Variants in PKP3 observed in about 807,000 individuals in gnomAD.
PKP3 encodes plakophilin-3.
Under a neutral mutation model 76.5 loss-of-function variants are expected in PKP3, and 66 were observed. The ratio of observed to expected loss-of-function variants is 0.86; its 90% CI spans 0.71 to 1.06. The LOEUF (loss-of-function observed/expected upper bound fraction) is 1.06, where lower values mean the gene tolerates loss of function less well. Ranked by LOEUF, PKP3 falls within the 50% of genes least tolerant of loss-of-function variation. PKP3 has a pLI of 0.00. For missense variants in PKP3, 1,338 were observed against 1,141.0 expected (o/e 1.17, Z -2.49); for synonymous variants, 638 against 516.5 (o/e 1.24, Z -3.19).
In PKP3 at chr11:400,428, G is replaced by C. The variant is rs1048200478; in HGVS notation, c.1543G>C (p.Asp515His). Reference protein sequence around the residue: ...ALVTSINHALDAGKCEDKSVE... With the variant: ...ALVTSINHALHAGKCEDKSVE... ...GGTCACCTCTATCAACCACGCCCTG[G>C]ACGCGGGCAAATGCGAGGACAAGGT... The change falls in exon 7 of 13, where the codon GAC becomes CAC. Residue 515 changes from aspartate (D) to histidine (H), a missense_variant. Asp to His is a moderately conservative substitution (Grantham distance 81, BLOSUM62 -1). Coordinates refer to ENST00000331563, the MANE Select transcript of PKP3 (RefSeq NM_007183.4). 2 of 1,547,538 alleles carry C rather than the reference G, an allele frequency of 1.3e-6. No individual in the cohort carries two copies. Among genetic ancestry groups the C allele is most frequent in the Admixed American group, 2.0e-5 (1 of 50,892 alleles).
At chr11:395,932 T>C (rs1016103917) in intron 1 of PKP3, among the ~76,000 whole-genome samples, 1 of 152,096 alleles carries the variant, frequency 6.6e-6, no homozygotes, top group African/African-American at 2.4e-5. Flanking sequence ...ACTCTGTCCA[T>C]CCTTCCAGCA....
At chr11:397,713 G>C (rs776362668) in intron 4 of PKP3, 51 bp downstream of exon 4, 5 of 1,576,836 alleles carry the variant, frequency 3.2e-6, no homozygotes, top group Middle Eastern at 3.8e-4. Context: ...TCCTTCGTGG[G>C]CCCCACCACC....
rs1847222596 is a variant in PKP3, at chr11:404,519, C to T, written c.2359-15C>T. ...GCAGACATGCACCCTGACCTTGGGC[C>T]TCTCTCCACTGTAGAAGGGCTATCG... On this transcript the variant is annotated splice_polypyrimidine_tract_variant and intron_variant, in intron 12 of 12. Transcript: ENST00000331563. The surrounding 1 kb of genome is among the most constrained non-coding windows in gnomAD (Gnocchi z 4.2). The T allele has an allele frequency of 3.7e-6, 6 of 1,612,326 alleles. No individual in the cohort carries two copies. In the East Asian group the frequency reaches 1.3e-4, roughly 36 times the overall value.
chr11:396,706 C>G lies in PKP3; in HGVS notation c.312+19C>G. ...GACCTCGGTGAGCGATGGGCCCAGCCCGAGGGGGACGATCTGAGCTCTGCA... is the reference window on the plus strand; with the variant it reads ...GACCTCGGTGAGCGATGGGCCCAGCGCGAGGGGGACGATCTGAGCTCTGCA... On this transcript the variant is annotated intron_variant, in intron 2 of 12. Transcript: ENST00000331563. 6.2e-7 allele frequency: 1 copy of G among 1,601,094 alleles called. No individual in the cohort carries two copies. Among genetic ancestry groups the G allele is most frequent in the Non-Finnish European group, 8.5e-7 (1 of 1,173,074 alleles).
intron 1 of PKP3, 141 bp downstream of exon 1, chr11:394,665 A>T: frequency 1.7e-6 from 1 of 604,726 alleles, no homozygotes; most frequent in Non-Finnish European, 2.2e-6. Flanking sequence ...ACCCCGCCCC[A>T]GGGGCGTGGG....
At position 400,005 on chromosome 11, in the gene PKP3, G is replaced by A. The variant is rs779175464; in HGVS notation, c.1312G>A (p.Asp438Asn). The change falls in exon 6 of 13, where the codon GAC becomes AAC. Residue 438 changes from aspartate to asparagine, a missense_variant. Transcript: ENST00000331563. ...CCTTTCATCCAGCGACCACCTGAAGGACCGCCTGGCCAGAGACACGCTGGA... is the reference window on the plus strand; with the variant it reads ...CCTTTCATCCAGCGACCACCTGAAGAACCGCCTGGCCAGAGACACGCTGGA... The part of the protein sequence containing the change: ...WNLSSSDHLK[D>N]RLARDTLEQL... 2 of 1,607,372 alleles carry A rather than the reference G, an allele frequency of 1.2e-6. No individual in the cohort carries two copies. Among genetic ancestry groups the A allele is most frequent in the Non-Finnish European group, 1.7e-6 (2 of 1,178,364 alleles).
In PKP3 at chr11:397,276, C is replaced by T. The variant is rs750944386; in HGVS notation, c.775C>T (p.Arg259Trp). ...CCTGCAGCGATTCCAGAGCAGCCAC[C>T]GGAGCCGCGGGGTAGGCGGGGCAGT... ...RTLQRFQSSH[R>W]SRGVGGAVPG... The change falls in exon 3 of 13, where the codon CGG becomes TGG. Residue 259 changes from arginine (R) to tryptophan (W), a missense_variant. By Grantham distance (101) the Arg-to-Trp change is moderately radical (BLOSUM62 -3). Transcript: ENST00000331563. 1.5e-5 allele frequency: 24 copies of T among 1,596,440 alleles called. No individual in the cohort carries two copies. Among genetic ancestry groups the T allele is most frequent in the Non-Finnish European group, 1.4e-5 (17 of 1,175,338 alleles).
In PKP3 at chr11:397,220, G is replaced by T; in HGVS notation, c.719G>T (p.Ser240Ile). The T allele has an allele frequency of 6.3e-7, 1 of 1,599,164 alleles. No homozygotes were observed. The highest frequency in any genetic ancestry group is 2.2e-5 in the East Asian group (1 of 44,816). The change falls in exon 3 of 13, where the codon AGC (serine) becomes ATC (isoleucine). Residue 240 changes from serine (S) to isoleucine (I), a missense_variant. Ser to Ile is a moderately radical substitution (Grantham distance 142, BLOSUM62 -2). Coordinates refer to ENST00000331563, the MANE Select transcript of PKP3 (RefSeq NM_007183.4). ...DWPEATEVSPSRTIRAPAVRT... is the reference protein window; with the variant it reads ...DWPEATEVSPIRTIRAPAVRT... ...CCCGAGGCCACTGAGGTTTCCCCGA[G>T]CCGGACCATCCGTGCCCCTGCCGTG...
rs759359764 is a variant in PKP3 at position 397,294 on chromosome 11, G to A, written c.793G>A (p.Gly265Arg). 1.4e-5 allele frequency: 22 copies of A among 1,593,508 alleles called. No homozygotes were observed. The highest frequency in any genetic ancestry group is 3.3e-5 in the South Asian group (3 of 89,560). The change falls in exon 3 of 13, where the codon GGG becomes AGG. Residue 265 changes from glycine to arginine, a missense_variant. By Grantham distance (125) the Gly-to-Arg change is moderately radical (BLOSUM62 -2). Transcript: ENST00000331563. ...QSSHRSRGVG[G>R]AVPGAVLEPV... ...CAGCCACCGGAGCCGCGGGGTAGGC[G>A]GGGCAGTGCCGGGGGCCGTCCTGGA... is the stretch of plus-strand genomic sequence containing the variant.
Position 399,120 on chromosome 11 carries a change from G to C in PKP3, c.1197G>C (p.Leu399=). The part of the protein sequence containing the change: ...IYDNADNKLA[L]VEENGIFELL... The stretch of plus-strand genomic sequence containing the variant: ...ACAACGCTGACAACAAGCTGGCCCT[G>C]GTGGAGGAGAACGGGATCTTCGAGC... Residue 399 remains leucine, a synonymous_variant, in exon 5 of 13, where the codon CTG becomes CTC. Transcript: ENST00000331563. The C allele has an allele frequency of 1.2e-6, 2 of 1,612,000 alleles. No homozygotes were observed. The highest frequency in any genetic ancestry group is 1.7e-6 in the Non-Finnish European group (2 of 1,179,464).
Position 400,055 on chromosome 11 carries a change from C to A in PKP3, c.1362C>A (p.Ser454Arg), listed in dbSNP as rs1165971549. The change falls in exon 6 of 13, where the codon AGC becomes AGA. Residue 454 changes from serine to arginine, a missense_variant. By Grantham distance (110) the Ser-to-Arg change is moderately radical. Coordinates refer to ENST00000331563, the MANE Select transcript of PKP3 (RefSeq NM_007183.4). ...AGCAGCTCACAGACCTGGTGTTGAG[C>A]CCCCTGTCGGGGGCTGGGGGTCCCC... is the stretch of plus-strand genomic sequence containing the variant. Reference protein sequence around the residue: ...TLEQLTDLVLSPLSGAGGPPL... With the variant: ...TLEQLTDLVLRPLSGAGGPPL... 3 of 1,605,572 alleles carry A rather than the reference C, an allele frequency of 1.9e-6. No homozygotes were observed. The African/African-American group carries it at 4.0e-5, about 22-fold the overall frequency.
chr11:398,908 C>T lies in PKP3; in HGVS notation c.1069-84C>T, dbSNP rs182337039. 3,875 of 1,066,284 alleles carry T rather than the reference C, an allele frequency of 3.6e-3. 24 individuals are homozygous for T. Among genetic ancestry groups the T allele is most frequent in the South Asian group, 0.015 (989 of 65,692 alleles). The allele number at this position is 1,066,284 out of a possible 1,614,324, so 66.1% of individuals were successfully genotyped here. On this transcript the variant is annotated intron_variant, in intron 4 of 12. Coordinates refer to ENST00000331563, the MANE Select transcript of PKP3 (RefSeq NM_007183.4). ...TGCATCCCCTGCATATCTACATCTA[C>T]GCACCTGGACACAGCTGCACACAGG...
chr11:397,689 G>A (rs764115451), intron 4 of PKP3, 27 bp downstream of exon 4: 1 of 1,602,850 alleles, frequency 6.2e-7, no homozygotes, highest in South Asian at 1.1e-5. Flanking sequence ...CCCACTCGCT[G>A]CCCCCTGGTG....
chr11:403,960 C>T lies in PKP3; in HGVS notation c.2095C>T (p.His699Tyr). Reference sequence around the variant, plus strand: ...TCCCACAGCCACGAAGGTGGTGAGCCACCTGATCGAGAAGCTGCCGGGCAG... The same window carrying T: ...TCCCACAGCCACGAAGGTGGTGAGCTACCTGATCGAGAAGCTGCCGGGCAG... ...KDEMSTKVVS[H>Y]LIEKLPGSVG... The change falls in exon 11 of 13, where the codon CAC (histidine) becomes TAC (tyrosine). Residue 699 changes from histidine to tyrosine, a missense_variant. Transcript: ENST00000331563. The T allele has an allele frequency of 6.2e-7, 1 of 1,602,962 alleles. No individual in the cohort carries two copies. The highest frequency in any genetic ancestry group is 8.5e-7 in the Non-Finnish European group (1 of 1,173,458).
At chr11:392,663 C>T (rs1846989860), upstream of PKP3, 6 of 1,286,906 alleles carry the variant, frequency 4.7e-6, no homozygotes, top group Non-Finnish European at 6.1e-6. Context: ...CAGCAGTGGC[C>T]TCTGGGATGA....
Position 397,596 on chromosome 11 carries a change from C to A in PKP3, c.1002C>A (p.Asn334Lys). ...AVKYLMASDPNLQVLGAAYIQ... is the reference protein window; with the variant it reads ...AVKYLMASDPKLQVLGAAYIQ... The stretch of plus-strand genomic sequence containing the variant: ...AGTACCTCATGGCTTCAGACCCCAA[C>A]CTGCAGGTGCTGGGAGCGGCCTACA... Residue 334 changes from asparagine (N) to lysine (K), a missense_variant, in exon 4 of 13, where the codon AAC becomes AAA. Coordinates refer to ENST00000331563, the MANE Select transcript of PKP3 (RefSeq NM_007183.4). 3.7e-6 allele frequency: 6 copies of A among 1,612,132 alleles called. No individual in the cohort carries two copies. The highest frequency in any genetic ancestry group is 3.4e-6 in the Non-Finnish European group (4 of 1,179,536).
rs1181383194 is a variant in PKP3, at chr11:404,460, C to T, written c.2359-74C>T. On this transcript the variant is annotated intron_variant, in intron 12 of 12. Coordinates refer to ENST00000331563, the MANE Select transcript of PKP3 (RefSeq NM_007183.4). This position sits in a 1 kb window ranked among gnomAD's most constrained non-coding sequence, Gnocchi z 4.2. Reference sequence around the variant, plus strand: ...AAGGGTCCGGGCCACACCCAGCACACTGCAGGAGGGACAGCGGGCAGAGGG... The same window carrying T: ...AAGGGTCCGGGCCACACCCAGCACATTGCAGGAGGGACAGCGGGCAGAGGG... The T allele has an allele frequency of 6.5e-7, 1 of 1,543,732 alleles. No individual in the cohort carries two copies. The highest frequency in any genetic ancestry group is 2.2e-5 in the East Asian group (1 of 44,528).
chr11:398,055 C>T (rs113401147), intron 4 of PKP3, among the ~76,000 whole-genome samples: 7 of 95,788 alleles, frequency 7.3e-5, no homozygotes, highest in African/African-American at 3.3e-4. Context: ...CACACACCTG[C>T]GTCACCTCCG....
Position 400,526 on chromosome 11 carries a change from C to G in PKP3, c.1567-9C>G. Reference sequence around the variant, plus strand: ...GACCCGCGCCCCTGCCCCGCGCCCCCGCCCGCAGAGCGTGGAGAACGCGGT... The same window carrying G: ...GACCCGCGCCCCTGCCCCGCGCCCCGGCCCGCAGAGCGTGGAGAACGCGGT... On this transcript the variant is annotated splice_polypyrimidine_tract_variant and intron_variant, in intron 7 of 12. Coordinates refer to ENST00000331563, the MANE Select transcript of PKP3 (RefSeq NM_007183.4). 6.7e-7 allele frequency: 1 copy of G among 1,490,840 alleles called. No homozygotes were observed. Among genetic ancestry groups the G allele is most frequent in the Non-Finnish European group, 8.9e-7 (1 of 1,126,994 alleles). The allele number at this position is 1,490,840 out of a possible 1,614,324, so 92.4% of individuals were successfully genotyped here. A position where few individuals can be genotyped will look rare whatever the true frequency, so the allele number is the denominator to read the frequency against.
Sources: allele counts gnomAD v4.1 joint callset (sites outside exome capture counted in the v4.1 genomes callset), GRCh38; gene constraint gnomAD v4.1.1; non-coding constraint Gnocchi (gnomAD v3.1); transcripts MANE v1.5; gene names NCBI Gene and HGNC (gene_info 2026-07-23, HGNC 2026-07-21).